MYH7B: variants seen among roughly 807,000 people sequenced by gnomAD.
MYH7B encodes the protein myosin-7B.
Under a neutral mutation model 234.5 loss-of-function variants are expected in MYH7B, and 205 were observed. The observed-to-expected ratio is 0.87, with a 90% confidence interval of 0.78 to 0.98. The LOEUF (loss-of-function observed/expected upper bound fraction) is 0.98. Ranked by LOEUF, MYH7B falls within the 50% of genes least tolerant of loss-of-function variation. The pLI is 0.00. For missense variants in MYH7B, 2,652 were observed against 2,633.4 expected, an observed-to-expected ratio of 1.01 and a Z score of -0.15; for synonymous variants, 1,193 against 1,105.0, an observed-to-expected ratio of 1.08 and a Z score of -1.58.
Position 34,993,471 on chromosome 20 carries a change from G to T in MYH7B, c.2444+1G>T. ...AGTACCAGCGCCTGCTGGGAGGCAG[G>T]TGGGTGTGGGAAGGAGGCTGGGGAC... On this transcript the variant is annotated splice_donor_variant, in intron 26 of 44. Coordinates refer to ENST00000262873, the Ensembl canonical transcript of MYH7B. LOFTEE classifies it high-confidence loss of function. 1 of 1,592,826 alleles carries T rather than the reference G, an allele frequency of 6.3e-7. No homozygotes were observed.
intron 16 of MYH7B, 48 bp from the exon 17 acceptor site, chr20:34,987,509 G>T (rs1475155903): frequency 6.6e-7 from 1 of 1,512,394 alleles, no homozygotes; most frequent in Non-Finnish European, 9.0e-7. Flanking sequence ...GAGCCCCTGA[G>T]TGCGCATGGT....
chr20:34,973,263 C>T (rs977783231), intron 2 of MYH7B, among the ~76,000 whole-genome samples: 106 of 152,194 alleles, frequency 7.0e-4, no homozygotes, highest in African/African-American at 2.5e-3. Context: ...TAAGCCACTG[C>T]GCCCAGCCTT....
chr20:34,997,428 G>A lies in MYH7B; in HGVS notation c.3535G>A (p.Gly1179Arg), dbSNP rs1270360107. 2.0e-6 allele frequency: 3 copies of A among 1,474,794 alleles called. No homozygotes were observed. The highest frequency in any genetic ancestry group is 2.2e-4 in the Middle Eastern group (1 of 4,448). The allele number at this position is 1,474,794 out of a possible 1,614,324, so 91.4% of individuals were successfully genotyped here. A position where few individuals can be genotyped will look rare whatever the true frequency, so the allele number is the denominator to read the frequency against. ...CTGCCGCAAGCGGGAGGCGGAGCTG[G>A]GGAGGCTGCGGCGGGAGCTGGAGGA... Residue 1179 changes from glycine to arginine, a missense_variant, in exon 32 of 45, where the codon GGG becomes AGG. Physicochemically the swap from Gly to Arg is moderately radical, Grantham distance 125 (BLOSUM62 -2). Coordinates refer to ENST00000262873, the Ensembl canonical transcript of MYH7B.
At chr20:34,988,192 G>T (rs1318302955) in exon 19 of MYH7B, 2 of 1,614,036 alleles carry the variant, frequency 1.2e-6, no homozygotes, top group Admixed American at 3.3e-5. Flanking sequence ...GAGTACAAGC[G>T]GGAGGGCATC....
rs766064208 is a variant in MYH7B at position 34,984,805 on chromosome 20, G to T, written c.649-49G>T. On this transcript the variant is annotated intron_variant, in intron 11 of 44. Coordinates refer to ENST00000262873, the Ensembl canonical transcript of MYH7B. ...GGGCCACGGGTGGCTCTGGCCTCCC[G>T]GTGGGTAGGCACCAGAACTGACAGA... The T allele has an allele frequency of 2.5e-6, 4 of 1,596,026 alleles. No homozygotes were observed. In the East Asian group the frequency reaches 9.0e-5, roughly 36 times the overall value.
Position 34,997,577 on chromosome 20 carries a change from G to A in MYH7B, c.3684G>A (p.Lys1228=), listed in dbSNP as rs1287794750. The A allele has an allele frequency of 3.7e-6, 6 of 1,613,454 alleles. No individual in the cohort carries two copies. In the South Asian group the frequency reaches 5.5e-5, roughly 15 times the overall value. ...TGCGGCAGAAGCTGGAGAAGGAGAA[G>A]AGTGAGCTGCGCATGGAGGTGGACG... Residue 1228 remains lysine (K), a synonymous_variant, in exon 32 of 45, where the codon AAG becomes AAA. Coordinates refer to ENST00000262873, the Ensembl canonical transcript of MYH7B.
chr20:34,985,422 A>T (rs899813951), intron 13 of MYH7B, among the ~76,000 whole-genome samples: 12 of 152,026 alleles, frequency 7.9e-5, no homozygotes, highest in African/African-American at 2.7e-4. Flanking sequence ...CCAAATCCTC[A>T]TTTGGCCAGT....
chr20:34,998,957 A>G, intron 35 of MYH7B, 42 bp downstream of exon 35: 1 of 1,595,740 alleles, frequency 6.3e-7, no homozygotes, highest in Non-Finnish European at 8.6e-7. Context: ...GCAGAGCTTT[A>G]TGCCTGTGCC....
intron 32 of MYH7B, among the ~76,000 whole-genome samples, chr20:34,998,012 C>T (rs1180580202): frequency 1.3e-5 from 2 of 152,194 alleles, no homozygotes; most frequent in African/African-American, 4.8e-5. Context: ...ATAATCCTGA[C>T]AGCTGACCTC....
intron 1 of MYH7B, among the ~76,000 whole-genome samples, chr20:34,957,552 CGATCT>C (rs1014114534): frequency 5.5e-5 from 8 of 145,866 alleles, no homozygotes; most frequent in African/African-American, 1.8e-4. Context: ...TGCAGTGGCA[CGATCT>C]CAGCTCACTG....
chr20:34,998,681 G>GGCA lies in MYH7B; in HGVS notation c.3994-37_3994-36insCAG, dbSNP rs750386009. 49 of 1,612,126 alleles carry GGCA rather than the reference G, an allele frequency of 3.0e-5. No homozygotes were observed. In the East Asian group the frequency reaches 1.1e-3, roughly 36 times the overall value. ...TGGGCAGGTGGGCACCAGAGCCACT[G>GGCA]GGCTGCACTAACGCTGAGGTCACTG... On this transcript the variant is annotated intron_variant, in intron 34 of 44. Transcript: ENST00000262873.
At chr20:34,982,729 A>G (rs899411164) in intron 10 of MYH7B, among the ~76,000 whole-genome samples, 174 bp downstream of exon 10, 2 of 151,908 alleles carry the variant, frequency 1.3e-5, no homozygotes, top group African/African-American at 4.8e-5. Context: ...GCTTGACCAC[A>G]AAGGCTGTGG....
intron 2 of MYH7B, among the ~76,000 whole-genome samples, chr20:34,966,028 T>A (rs754819194): frequency 1.3e-5 from 2 of 150,332 alleles, no homozygotes; most frequent in Non-Finnish European, 2.9e-5. Context: ...ACTGGGTGTT[T>A]GCATATTTGG....
intron 2 of MYH7B, among the ~76,000 whole-genome samples, chr20:34,960,489 C>T (rs1245057965): frequency 6.6e-6 from 1 of 152,244 alleles, no homozygotes. Context: ...CCCGCCTCAG[C>T]CTCCCAAAGT....
At chr20:34,970,862 T>G (rs1213908820) in intron 2 of MYH7B, among the ~76,000 whole-genome samples, 2 of 152,108 alleles carry the variant, frequency 1.3e-5, no homozygotes, top group African/African-American at 4.8e-5. Context: ...CCTTGAGAGA[T>G]ACGATGGACT....
At chr20:34,964,191 T>C (rs2081722906) in intron 2 of MYH7B, among the ~76,000 whole-genome samples, 2 of 152,174 alleles carry the variant, frequency 1.3e-5, no homozygotes, top group Admixed American at 6.5e-5. Context: ...AGCAGTGTAT[T>C]AGAATTGCCC....
At chr20:35,002,029 G>A (rs371406861) in exon 44 of MYH7B, 10 of 1,613,946 alleles carry the variant, frequency 6.2e-6, no homozygotes, top group African/African-American at 1.3e-5. Context: ...GGCAGACATG[G>A]CGGAAACCCA....
chr20:34,977,599 G>A, intron 3 of MYH7B, 33 bp from the exon 4 acceptor site: 2 of 1,567,180 alleles, frequency 1.3e-6, no homozygotes, highest in Non-Finnish European at 1.7e-6. Context: ...CGTGGAGATT[G>A]CTGACATAGC....
intron 42 of MYH7B, 36 bp from the exon 43 acceptor site, chr20:35,001,395 G>C (rs1312457934): frequency 6.3e-7 from 1 of 1,593,006 alleles, no homozygotes; most frequent in East Asian, 2.3e-5. Flanking sequence ...AGCTGGCCCA[G>C]CCCAAGCAAG....
Sources: allele counts gnomAD v4.1 joint callset (sites outside exome capture counted in the v4.1 genomes callset), GRCh38; gene constraint gnomAD v4.1.1; transcripts MANE v1.5; gene names NCBI Gene and HGNC (gene_info 2026-07-23, HGNC 2026-07-21).